PIEZO2: variants seen among roughly 807,000 people sequenced by gnomAD.
The protein encoded by PIEZO2 is piezo-type mechanosensitive ion channel component 2.
PIEZO2 carries 172 observed loss-of-function variants against 337.3 expected under a neutral mutation model. That is an observed-to-expected ratio of 0.51 (90% CI 0.45 to 0.58). PIEZO2 has a LOEUF of 0.58. PIEZO2 is among the 20% of genes least tolerant of loss of function. The probability of loss-of-function intolerance (pLI) is 0.00; values close to 1 mark genes in which losing one functional copy is unlikely to be tolerated. For missense variants in PIEZO2, 3,028 were observed against 3,391.3 expected (o/e 0.89, Z 2.66); for synonymous variants, 1,251 against 1,228.5 (o/e 1.02, Z -0.38).
At chr18:10,812,418 C>A (rs2040222528) in intron 7 of PIEZO2, among the ~76,000 whole-genome samples, 1 of 152,132 alleles carries the variant, frequency 6.6e-6, no homozygotes, top group African/African-American at 2.4e-5. Flanking sequence ...AAAAAACACT[C>A]ATCGGGTACT....
In PIEZO2 at chr18:10,824,525, A is replaced by G. The variant is rs1598537931; in HGVS notation, c.918-17251T>C. Among the ~76,000 whole-genome samples, 1 of 152,312 alleles carries G rather than the reference A, an allele frequency of 6.6e-6. No homozygotes were observed. The highest frequency in any genetic ancestry group is 2.1e-4 in the South Asian group (1 of 4,826). On this transcript the variant is annotated intron_variant, in intron 7 of 55. Transcript: ENST00000674853. The surrounding 1 kb of genome is among the most constrained non-coding windows in gnomAD (Gnocchi z 4.4). ...ACATGACAGAGAAATTTAGATTTAG[A>G]TTTCTAGATAACTTATGACATATAT...
At position 10,938,015 on chromosome 18, in the gene PIEZO2, C is replaced by G. The variant is rs533233794; in HGVS notation, c.287-26787G>C. ...CGCAGGTGACTTTCAAATAAATCAT[C>G]TACATAGAAGGCACGTTTTGCCTCT... On this transcript the variant is annotated intron_variant, in intron 3 of 55. Transcript: ENST00000674853. Among the ~76,000 whole-genome samples the G allele has an allele frequency of 3.3e-5, 5 of 152,316 alleles. No homozygotes were observed. The East Asian group carries it at 9.6e-4, about 29-fold the overall frequency.
At chr18:10,757,876 G>T (rs1342854691) in intron 27 of PIEZO2, 93 bp downstream of exon 27, 2 of 1,288,364 alleles carry the variant, frequency 1.6e-6, no homozygotes, top group Non-Finnish European at 2.1e-6. Context: ...CAGCAGATCT[G>T]TTTCCCAAGT....
Position 11,069,671 on chromosome 18 carries a change from G to A in PIEZO2, c.65-3449C>T, listed in dbSNP as rs528380653. Among the ~76,000 whole-genome samples the A allele has an allele frequency of 6.6e-6, 1 of 152,268 alleles. No individual in the cohort carries two copies. The highest frequency in any genetic ancestry group is 2.1e-4 in the South Asian group (1 of 4,824). ...ATTCAATGTGGTACGGGAAGTCCTAGGCAGAGGAATTAGGCAAGAAAAAGA... is the reference window on the plus strand; with the variant it reads ...ATTCAATGTGGTACGGGAAGTCCTAAGCAGAGGAATTAGGCAAGAAAAAGA... On this transcript the variant is annotated intron_variant, in intron 1 of 55. Coordinates refer to ENST00000674853, the MANE Select transcript of PIEZO2 (RefSeq NM_001378183.1). This position sits in a 1 kb window ranked among gnomAD's most constrained non-coding sequence, Gnocchi z 4.9.
At chr18:11,022,964 C>T (rs1296619869) in intron 2 of PIEZO2, among the ~76,000 whole-genome samples, 1 of 151,886 alleles carries the variant, frequency 6.6e-6, no homozygotes, top group Non-Finnish European at 1.5e-5. Flanking sequence ...TGCGCACCTT[C>T]GCAGCGAGTG....
In PIEZO2 at chr18:10,731,504, C is replaced by A. The variant is rs2036786514; in HGVS notation, c.4932G>T (p.Trp1644Cys). The stretch of plus-strand genomic sequence containing the variant: ...GGAGTGCTGTTTTAGGATCAGTAAT[C>A]CAGGCTTGATAAACAAACTGAAGGG... ...IRAAKFVYQA[W>C]ITDPKTALRQ... Residue 1644 changes from tryptophan to cysteine, a missense_variant, in exon 36 of 56, where the codon TGG becomes TGT. By Grantham distance (215) the Trp-to-Cys change is radical. Transcript: ENST00000674853. 4 of 1,528,218 alleles carry A rather than the reference C, an allele frequency of 2.6e-6. No individual in the cohort carries two copies. The highest frequency in any genetic ancestry group is 2.6e-6 in the Non-Finnish European group (3 of 1,142,598). The allele number at this position is 1,528,218 out of a possible 1,614,324, so 94.7% of individuals were successfully genotyped here.
At chr18:10,742,723 C>T (rs2144170552) in intron 31 of PIEZO2, 108 bp from the exon 32 acceptor site, 1 of 1,207,384 alleles carries the variant, frequency 8.3e-7, no homozygotes, top group South Asian at 1.6e-5. Context: ...CGTGGACAAA[C>T]TACTTTGGAA....
chr18:11,075,939 G>T (rs900423776), intron 1 of PIEZO2, among the ~76,000 whole-genome samples: 2 of 151,864 alleles, frequency 1.3e-5, no homozygotes, highest in East Asian at 1.9e-4. Flanking sequence ...ACAGGTGCCC[G>T]CCACCATGCC....
intron 36 of PIEZO2, among the ~76,000 whole-genome samples, chr18:10,729,975 TA>T (rs1194778292): frequency 1.7e-4 from 26 of 152,352 alleles, no homozygotes; most frequent in African/African-American, 5.3e-4. Flanking sequence ...ATTAGTAACA[TA>T]ATGTATTTAA....
chr18:11,050,859 T>C (rs980777197), intron 2 of PIEZO2, among the ~76,000 whole-genome samples: 1 of 150,904 alleles, frequency 6.6e-6, no homozygotes, highest in Non-Finnish European at 1.5e-5. Flanking sequence ...GGGGAATTGC[T>C]ACTTTGCTCA....
intron 3 of PIEZO2, among the ~76,000 whole-genome samples, chr18:10,912,073 A>G (rs1292555521): frequency 6.6e-6 from 1 of 152,068 alleles, no homozygotes; most frequent in Non-Finnish European, 1.5e-5. Context: ...TTTTTAAGCT[A>G]AACATGTTAA....
chr18:10,900,700 G>C (rs1473343918), intron 4 of PIEZO2, among the ~76,000 whole-genome samples: 1 of 151,938 alleles, frequency 6.6e-6, no homozygotes, highest in Non-Finnish European at 1.5e-5. Flanking sequence ...TTGCATTTTG[G>C]TACCAAACAT....
intron 33 of PIEZO2, chr18:10,738,523 T>C (rs1351879743): frequency 1.3e-5 from 2 of 152,162 alleles, no homozygotes; most frequent in Non-Finnish European, 2.9e-5. Flanking sequence ...TAAAATGTTA[T>C]TGAAATGAAA....
chr18:10,846,056 A>T lies in PIEZO2; in HGVS notation c.917+9297T>A, dbSNP rs2041348970. On this transcript the variant is annotated intron_variant, in intron 7 of 55. Coordinates refer to ENST00000674853, the MANE Select transcript of PIEZO2 (RefSeq NM_001378183.1). This position sits in a 1 kb window ranked among gnomAD's most constrained non-coding sequence, Gnocchi z 4.1. ...GACCTTTCTGGAAAATAATTTCCCCACACATCTTATAGCCAGTGGCCACAT... is the reference window on the plus strand; with the variant it reads ...GACCTTTCTGGAAAATAATTTCCCCTCACATCTTATAGCCAGTGGCCACAT... Among the ~76,000 whole-genome samples the T allele has an allele frequency of 6.6e-6, 1 of 152,212 alleles. No homozygotes were observed. The highest frequency in any genetic ancestry group is 2.1e-4 in the South Asian group (1 of 4,828).
At chr18:10,918,023 A>G (rs2031121267) in intron 3 of PIEZO2, among the ~76,000 whole-genome samples, 2 of 152,222 alleles carry the variant, frequency 1.3e-5, no homozygotes, top group Admixed American at 1.3e-4. Context: ...CTCAATTAAT[A>G]GTGACATTTT....
At chr18:10,785,047 C>G in intron 16 of PIEZO2, 90 bp from the exon 17 acceptor site, 1 of 1,353,410 alleles carries the variant, frequency 7.4e-7, no homozygotes, top group East Asian at 2.5e-5. Flanking sequence ...CAGTCTTACA[C>G]TCCTGTCAGG....
chr18:10,981,022 G>A (rs1309377212), intron 2 of PIEZO2, among the ~76,000 whole-genome samples: 1 of 152,136 alleles, frequency 6.6e-6, no homozygotes, highest in African/African-American at 2.4e-5. Flanking sequence ...ACTTTACCCT[G>A]TGCCCATGAT....
Position 11,148,465 on chromosome 18 carries a change from C to T in PIEZO2, c.64+60G>A. On this transcript the variant is annotated intron_variant, in intron 1 of 55. Transcript: ENST00000674853. The surrounding 1 kb of genome is among the most constrained non-coding windows in gnomAD (Gnocchi z 5.2). ...GAGCCCTTCACTTTGTTAAGAAGTC[C>T]CCCACCCAGGCGCCCCCCTCGTCCT... 1 of 1,515,110 alleles carries T rather than the reference C, an allele frequency of 6.6e-7. No homozygotes were observed. The highest frequency in any genetic ancestry group is 8.9e-7 in the Non-Finnish European group (1 of 1,127,222). The allele number at this position is 1,515,110 out of a possible 1,614,324, so 93.9% of individuals were successfully genotyped here.
Position 11,078,187 on chromosome 18 carries a change from C to A in PIEZO2, c.65-11965G>T, listed in dbSNP as rs1031750970. 2.0e-5 allele frequency among the ~76,000 whole-genome samples: 3 copies of A among 151,960 alleles called. No homozygotes were observed. The highest frequency in any genetic ancestry group is 2.1e-4 in the South Asian group (1 of 4,812). ...CACACACCACACACACATACACACA[C>A]ACACTTGTATGGGCTTTATGTAAGC... is the stretch of plus-strand genomic sequence containing the variant. On this transcript the variant is annotated intron_variant, in intron 1 of 55. Coordinates refer to ENST00000674853, the MANE Select transcript of PIEZO2 (RefSeq NM_001378183.1). This position sits in a 1 kb window ranked among gnomAD's most constrained non-coding sequence, Gnocchi z 5.3.
Sources: gnomAD v4.1 joint callset for allele counts (sites outside exome capture counted in the v4.1 genomes callset) on GRCh38, gnomAD v4.1.1 for gene constraint, Gnocchi (gnomAD v3.1) non-coding constraint, MANE v1.5 for transcripts, NCBI Gene and HGNC (gene_info 2026-07-23, HGNC 2026-07-21) for gene names.